Variants in PSPC1 observed in about 807,000 individuals in gnomAD.
PSPC1 encodes paraspeckle component 1.
A neutral mutation model predicts 51.6 loss-of-function variants in PSPC1; 14 were observed. The ratio of observed to expected loss-of-function variants is 0.27; its 90% CI spans 0.18 to 0.42. The LOEUF (loss-of-function observed/expected upper bound fraction) is 0.42. Among genes scored for constraint, PSPC1 ranks in the 10% least tolerant of loss-of-function variants. The probability of loss-of-function intolerance (pLI) is 1.00; values close to 1 mark genes in which losing one functional copy is unlikely to be tolerated. For synonymous variants in PSPC1, 193 were observed against 231.9 expected, an observed-to-expected ratio of 0.83 and a Z score of 1.53; for missense variants, 406 against 701.1, an observed-to-expected ratio of 0.58 and a Z score of 4.75.
chr13:19,778,165 C>T (rs1229429873), intron 1 of PSPC1, among the ~76,000 whole-genome samples: 2 of 151,904 alleles, frequency 1.3e-5, no homozygotes, highest in African/African-American at 4.8e-5. Flanking sequence ...TCGCTTGAAC[C>T]CAGGAGGTGG....
At chr13:19,768,823 G>C (rs900785359) in intron 2 of PSPC1, among the ~76,000 whole-genome samples, 2 of 150,614 alleles carry the variant, frequency 1.3e-5, no homozygotes, top group African/African-American at 4.9e-5. Context: ...AAACTAACTA[G>C]AATATCTAAG....
At chr13:19,698,362 C>T (rs1318265022), downstream of PSPC1, among the ~76,000 whole-genome samples, 1 of 151,878 alleles carries the variant, frequency 6.6e-6, no homozygotes, top group Admixed American at 6.6e-5. Flanking sequence ...TCAACACCAT[C>T]AACAAAACAC....
At chr13:19,770,280 G>A (rs1371148802) in intron 2 of PSPC1, among the ~76,000 whole-genome samples, 7 of 152,266 alleles carry the variant, frequency 4.6e-5, no homozygotes. Context: ...CTGTAAAAGG[G>A]CACAAGGGAA....
At chr13:19,767,528 GAAA>G (rs1429420243) in intron 2 of PSPC1, among the ~76,000 whole-genome samples, 4 of 151,902 alleles carry the variant, frequency 2.6e-5, no homozygotes, top group African/African-American at 9.7e-5. Flanking sequence ...AAAAATTTTT[GAAA>G]AAATAAAATT....
intron 4 of PSPC1, among the ~76,000 whole-genome samples, chr13:19,743,962 G>A (rs1435625597): frequency 2.0e-5 from 3 of 151,950 alleles, no homozygotes; most frequent in African/African-American, 7.3e-5. Flanking sequence ...ACAAAAATTA[G>A]CCAGGCGTGG....
At chr13:19,696,499 GCACA>G (rs34350489) in intron 6 of PSPC1, among the ~76,000 whole-genome samples, 17 of 147,552 alleles carry the variant, frequency 1.2e-4, no homozygotes, top group East Asian at 2.0e-4. Flanking sequence ...ACACACACAC[GCACA>G]CACACACACA....
chr13:19,709,292 T>C (rs974125003), intron 7 of PSPC1, among the ~76,000 whole-genome samples: 2 of 152,216 alleles, frequency 1.3e-5, no homozygotes, highest in African/African-American at 4.8e-5. Flanking sequence ...TATATGTTTC[T>C]TTCATTAAGC....
intron 1 of PSPC1, among the ~76,000 whole-genome samples, chr13:19,780,153 C>T (rs1347668978): frequency 3.6e-3 from 125 of 34,412 alleles, no homozygotes; most frequent in Non-Finnish European, 8.5e-3. Context: ...ATCAGCCCCC[C>T]GCCCGGCCAG....
At chr13:19,729,858 A>G (rs992675864) in intron 6 of PSPC1, among the ~76,000 whole-genome samples, 1 of 152,204 alleles carries the variant, frequency 6.6e-6, no homozygotes, top group Admixed American at 6.5e-5. Flanking sequence ...CCATATGTTT[A>G]TAAGTGTTCA....
intron 7 of PSPC1, 145 bp from the exon 8 acceptor site, chr13:19,705,976 T>G: frequency 1.8e-6 from 1 of 561,312 alleles, no homozygotes; most frequent in Non-Finnish European, 2.9e-6. Context: ...TTATCTACTC[T>G]GTAATAGGGT....
chr13:19,671,381 G>C (rs1172531832), downstream of PSPC1: 5 of 1,155,348 alleles, frequency 4.3e-6, no homozygotes, highest in East Asian at 5.0e-5. Context: ...CAAGAATCCT[G>C]GTGTACCTGT....
At chr13:19,733,527 G>C (rs1250705074) in intron 5 of PSPC1, among the ~76,000 whole-genome samples, 1 of 151,948 alleles carries the variant, frequency 6.6e-6, no homozygotes, top group African/African-American at 2.4e-5. Context: ...CTGGGAGGCC[G>C]AGACGGGCAG....
At chr13:19,765,828 T>G (rs1447658910) in intron 2 of PSPC1, among the ~76,000 whole-genome samples, 3 of 152,146 alleles carry the variant, frequency 2.0e-5, no homozygotes, top group Non-Finnish European at 4.4e-5. Flanking sequence ...AAAAGTTAAG[T>G]AGCAATTTAT....
At chr13:19,677,685 AAG>A in intron 7 of PSPC1, 1 of 425,132 alleles carries the variant, frequency 2.4e-6, no homozygotes, top group Admixed American at 3.1e-5. Flanking sequence ...ACGAATACTC[AAG>A]GATCTGTTAG....
At chr13:19,673,980 C>A (rs984723903), downstream of PSPC1, among the ~76,000 whole-genome samples, 6 of 152,138 alleles carry the variant, frequency 3.9e-5, no homozygotes, top group African/African-American at 1.4e-4. Context: ...TAGTCTTTTC[C>A]CCTGGAAAGC....
chr13:19,756,380 T>C (rs576074751), intron 3 of PSPC1, among the ~76,000 whole-genome samples: 22 of 152,218 alleles, frequency 1.4e-4, no homozygotes, highest in Non-Finnish European at 2.9e-4. Context: ...CGCCAAGAAC[T>C]TGGATACTCT....
intron 3 of PSPC1, among the ~76,000 whole-genome samples, chr13:19,756,219 CAA>C (rs1887052648): frequency 6.6e-6 from 1 of 152,074 alleles, no homozygotes; most frequent in Non-Finnish European, 1.5e-5. Flanking sequence ...GCCTGGATGA[CAA>C]AGTGAGACTG....
At chr13:19,737,542 T>C (rs1227496961) in intron 5 of PSPC1, among the ~76,000 whole-genome samples, 2 of 152,212 alleles carry the variant, frequency 1.3e-5, no homozygotes, top group African/African-American at 4.8e-5. Context: ...ACTGTCTTAT[T>C]ACAGGTGATA....
At chr13:19,779,288 T>G (rs1294440248) in intron 1 of PSPC1, among the ~76,000 whole-genome samples, 9 of 56,310 alleles carry the variant, frequency 1.6e-4, no homozygotes, top group Admixed American at 3.3e-4. Context: ...GTGGGGGGGG[T>G]CAGCCCCCCG....
Sources: allele counts gnomAD v4.1 joint callset (sites outside exome capture counted in the v4.1 genomes callset), GRCh38; gene constraint gnomAD v4.1.1; transcripts MANE v1.5; gene names NCBI Gene and HGNC (gene_info 2026-07-23, HGNC 2026-07-21).